The following SLC1A7 variants were observed in gnomAD, a reference collection of about 807,000 sequenced individuals.
SLC1A7 encodes solute carrier family 1 member 7.
Under a neutral mutation model 47.7 loss-of-function variants are expected in SLC1A7, and 40 were observed. The ratio of observed to expected loss-of-function variants is 0.84; its 90% CI spans 0.65 to 1.09. SLC1A7 has a LOEUF of 1.09. Among genes scored for constraint, SLC1A7 ranks in the 50% least tolerant of loss-of-function variants. The probability of loss-of-function intolerance (pLI) is 0.00; values close to 1 mark genes in which losing one functional copy is unlikely to be tolerated. For missense variants in SLC1A7, 746 were observed against 769.5 expected, an observed-to-expected ratio of 0.97 and a Z score of 0.36; for synonymous variants, 323 against 325.6, an observed-to-expected ratio of 0.99 and a Z score of 0.09.
At chr1:53,115,014 A>G (rs1187870347) in intron 2 of SLC1A7, 41 bp from the exon 3 acceptor site, 1 of 1,535,686 alleles carries the variant, frequency 6.5e-7, no homozygotes, top group Non-Finnish European at 9.0e-7. Flanking sequence ...TGGGGAGGCC[A>G]GGGCCTGGCT....
At chr1:53,124,897 G>A (rs188013672) in intron 2 of SLC1A7, among the ~76,000 whole-genome samples, 214 of 152,342 alleles carry the variant, frequency 1.4e-3, no homozygotes, top group African/African-American at 5.0e-3. Flanking sequence ...AAGGTGCAGC[G>A]TGGAAATTCT....
chr1:53,115,712 G>A, intron 2 of SLC1A7: 1 of 152,348 alleles, frequency 6.6e-6, no homozygotes, highest in Admixed American at 6.5e-5. Flanking sequence ...TGTAAAATGG[G>A]GACATCTTGG....
At chr1:53,088,320 G>T (rs1644382582) in intron 10 of SLC1A7, 93 bp from the exon 11 acceptor site, 2 of 1,046,636 alleles carry the variant, frequency 1.9e-6, no homozygotes, top group East Asian at 2.7e-5. Flanking sequence ...ATGAGCTCAG[G>T]GCTAGGAACC....
At chr1:53,137,656 G>A (rs78938890) in intron 1 of SLC1A7, among the ~76,000 whole-genome samples, 47 of 152,264 alleles carry the variant, frequency 3.1e-4, no homozygotes, top group Non-Finnish European at 5.9e-4. Flanking sequence ...AAAGTTAATT[G>A]ACTGATTTTT....
intron 2 of SLC1A7, among the ~76,000 whole-genome samples, chr1:53,120,421 C>T (rs1375151015): frequency 6.6e-6 from 1 of 152,196 alleles, no homozygotes; most frequent in Admixed American, 6.5e-5. Context: ...GCCCCTCCCC[C>T]AGTTTGGGGT....
Position 53,103,555 on chromosome 1 carries a change from G to C in SLC1A7, c.488C>G (p.Thr163Ser). 1.3e-6 allele frequency: 2 copies of C among 1,599,018 alleles called. No homozygotes were observed. Among genetic ancestry groups the C allele is most frequent in the Non-Finnish European group, 1.7e-6 (2 of 1,171,710 alleles). ...CTTGGGGGACTTGACAACTGGGGTGGTCTTGGTGCGGTACTGGTGGGTGAC... is the reference window on the plus strand; with the variant it reads ...CTTGGGGGACTTGACAACTGGGGTGCTCTTGGTGCGGTACTGGTGGGTGAC... Reference protein sequence around the residue: ...EATFKQYRTKTTPVVKSPKVA... With the variant: ...EATFKQYRTKSTPVVKSPKVA... Residue 163 changes from threonine to serine, a missense_variant, in exon 5 of 11, where the codon ACC (threonine) becomes AGC (serine). Physicochemically the swap from Thr to Ser is moderately conservative, Grantham distance 58 (BLOSUM62 1). Coordinates refer to ENST00000371494, the MANE Select transcript of SLC1A7 (RefSeq NM_006671.6).
chr1:53,115,139 C>T (rs1006854598), intron 2 of SLC1A7, 166 bp from the exon 3 acceptor site: 181 of 632,134 alleles, frequency 2.9e-4, no homozygotes, highest in Non-Finnish European at 4.6e-4. Context: ...TCTCTTTCTG[C>T]TCTGCCCTCT....
rs766004636 is a variant in SLC1A7 at position 53,114,766 on chromosome 1, G to T, written c.423C>A (p.Asp141Glu). 1.9e-5 allele frequency: 31 copies of T among 1,613,792 alleles called. No individual in the cohort carries two copies. In the South Asian group the frequency reaches 3.3e-4, roughly 17 times the overall value. ...PIMSSADALL[D>E]LIRNMFPANL... ...TGGGTGGCAATAGTTACCGGATGAG[G>T]TCCAACAGGGCATCGGCTGAGCTCA... The change falls in exon 3 of 11, where the codon GAC (aspartate) becomes GAA (glutamate). Residue 141 changes from aspartate (D) to glutamate (E), a missense_variant. Transcript: ENST00000371494.
chr1:53,100,549 TCA>T (rs1056750777), intron 5 of SLC1A7, among the ~76,000 whole-genome samples: 1 of 150,542 alleles, frequency 6.6e-6, no homozygotes, highest in Non-Finnish European at 1.5e-5. Context: ...CTTGGTATAC[TCA>T]CACACACTGC....
chr1:53,089,555 C>T lies in SLC1A7; in HGVS notation c.1361+245G>A, dbSNP rs559138744. Among the ~76,000 whole-genome samples the T allele has an allele frequency of 5.3e-5, 8 of 152,274 alleles. No homozygotes were observed. The East Asian group carries it at 9.6e-4, about 18-fold the overall frequency. On this transcript the variant is annotated intron_variant, in intron 9 of 10. Coordinates refer to ENST00000371494, the MANE Select transcript of SLC1A7 (RefSeq NM_006671.6). ...CTCTCAAAGTTCTGGGACATATAGG[C>T]GTGAGTCATCATGCCTGGCCTTTAC...
chr1:53,101,146 C>CGCCTCAGTACACTCACACACCCT (rs1644573087), intron 5 of SLC1A7, among the ~76,000 whole-genome samples: 1 of 148,984 alleles, frequency 6.7e-6, no homozygotes, highest in Non-Finnish European at 1.5e-5. Context: ...TCACACACCC[C>CGCCTCAGTACACTCACACACCCT]GCCTCAGTAC....
At chr1:53,142,212 T>C (rs567878346) in intron 1 of SLC1A7, 103 bp downstream of exon 1, 2 of 1,317,472 alleles carry the variant, frequency 1.5e-6, no homozygotes, top group Admixed American at 2.6e-5. Context: ...ATTCACACAC[T>C]GTCATGGCAC....
In SLC1A7 at chr1:53,089,815, G is replaced by T. The variant is rs769301056; in HGVS notation, c.1346C>A (p.Ala449Asp). 5 of 1,614,008 alleles carry T rather than the reference G, an allele frequency of 3.1e-6. No homozygotes were observed. Among genetic ancestry groups the T allele is most frequent in the Non-Finnish European group, 4.2e-6 (5 of 1,180,006 alleles). Residue 449 changes from alanine to aspartate, a missense_variant, in exon 9 of 11, where the codon GCC (alanine) becomes GAC (aspartate). Ala to Asp is a moderately radical substitution (Grantham distance 126). Transcript: ENST00000371494. The stretch of plus-strand genomic sequence containing the variant: ...GTCCACTCACAGAGCCCAGTCAACG[G>T]CAATGATGAGGGTGATGTCATCGGT... ...LPTDDITLII[A>D]VDWALDRFRT...
intron 2 of SLC1A7, among the ~76,000 whole-genome samples, chr1:53,134,029 G>A (rs1263740455): frequency 6.6e-6 from 1 of 152,158 alleles, no homozygotes; most frequent in East Asian, 1.9e-4. Context: ...AGGCCTTGCT[G>A]CATTACCATG....
intron 2 of SLC1A7, 58 bp from the exon 3 acceptor site, chr1:53,115,031 C>T (rs1309753938): frequency 3.3e-5 from 45 of 1,375,396 alleles, no homozygotes; most frequent in Non-Finnish European, 4.4e-5. Context: ...GGCTGGCACT[C>T]AGCGCTCACT....
chr1:53,113,787 C>G (rs1012558448), intron 3 of SLC1A7, among the ~76,000 whole-genome samples: 4 of 152,138 alleles, frequency 2.6e-5, no homozygotes, highest in African/African-American at 9.7e-5. Flanking sequence ...AGGCCGGTCC[C>G]CACCTGAATT....
intron 2 of SLC1A7, among the ~76,000 whole-genome samples, chr1:53,121,775 C>T (rs1351056965): frequency 2.0e-5 from 3 of 152,142 alleles, no homozygotes; most frequent in African/African-American, 4.8e-5. Context: ...TGGCTGCACA[C>T]GTGGGGAGGG....
rs1046393434 is a variant in SLC1A7 at position 53,093,541 on chromosome 1, C to T, written c.717G>A (p.Met239Ile). 1.2e-6 allele frequency: 2 copies of T among 1,606,502 alleles called. No individual in the cohort carries two copies. Among genetic ancestry groups the T allele is most frequent in the Non-Finnish European group, 1.7e-6 (2 of 1,179,312 alleles). Residue 239 changes from methionine (M) to isoleucine (I), a missense_variant, in exon 6 of 11, where the codon ATG (methionine) becomes ATA (isoleucine). Coordinates refer to ENST00000371494, the MANE Select transcript of SLC1A7 (RefSeq NM_006671.6). Reference protein sequence around the residue: ...SATMGIMLGRMGDSGAPLVSF... With the variant: ...SATMGIMLGRIGDSGAPLVSF... ...TGACCAGGGGGGCCCCGCTGTCACC[C>T]ATGCGGCCCAGCATGATGCCTGCGG...
chr1:53,109,359 A>T (rs939833474), intron 3 of SLC1A7, among the ~76,000 whole-genome samples: 4 of 152,194 alleles, frequency 2.6e-5, no homozygotes, highest in African/African-American at 9.7e-5. Context: ...TCGAAAAAAA[A>T]GAGAAGGGGC....
Sources: gnomAD v4.1 joint callset for allele counts (sites outside exome capture counted in the v4.1 genomes callset) on GRCh38, gnomAD v4.1.1 for gene constraint, MANE v1.5 for transcripts, NCBI Gene and HGNC (gene_info 2026-07-23, HGNC 2026-07-21) for gene names.